The following CNOT4 variants were observed in gnomAD, a reference collection of about 807,000 sequenced individuals.
CNOT4 encodes the protein CCR4-associated factor 4.
In CNOT4, 8 loss-of-function variants were observed where a neutral mutation model predicts 73.8. That is an observed-to-expected ratio of 0.11 (90% CI 0.06 to 0.20). The LOEUF is 0.20. Among genes scored for constraint, CNOT4 ranks in the 10% least tolerant of loss-of-function variants. CNOT4 has a pLI of 1.00. For missense variants in CNOT4, 564 were observed against 883.4 expected, an observed-to-expected ratio of 0.64 and a Z score of 4.58; for synonymous variants, 293 against 321.1, an observed-to-expected ratio of 0.91 and a Z score of 0.94.
intron 7 of CNOT4, among the ~76,000 whole-genome samples, chr7:135,404,641 C>T (rs1345372808): frequency 6.6e-6 from 1 of 152,150 alleles, no homozygotes; most frequent in East Asian, 1.9e-4. Context: ...CATTCCCATT[C>T]TGCTGAACTA....
chr7:135,377,053 GTTCT>G (rs1191751879), intron 10 of CNOT4, among the ~76,000 whole-genome samples: 9 of 152,254 alleles, frequency 5.9e-5, no homozygotes, highest in Non-Finnish European at 1.0e-4. Context: ...ATCTTTAAGA[GTTCT>G]TTCTCATTAA....
At chr7:135,486,248 CACAA>C (rs1369921691) in intron 1 of CNOT4, among the ~76,000 whole-genome samples, 24 of 152,044 alleles carry the variant, frequency 1.6e-4, no homozygotes, top group Admixed American at 7.2e-4. Context: ...GGACAAAAGA[CACAA>C]ACAGACAATT....
chr7:135,386,375 T>C (rs545337367), intron 10 of CNOT4: 1 of 152,232 alleles, frequency 6.6e-6, no homozygotes, highest in East Asian at 1.9e-4. Context: ...ATATTAAGTT[T>C]CCCTTGCACA....
chr7:135,491,113 G>T (rs1803080783), intron 1 of CNOT4, among the ~76,000 whole-genome samples: 1 of 152,222 alleles, frequency 6.6e-6, no homozygotes, highest in African/African-American at 2.4e-5. Context: ...GAGAGAGCAG[G>T]TTTGGGAGGG....
At chr7:135,409,959 T>A (rs1051957043) in intron 7 of CNOT4, among the ~76,000 whole-genome samples, 1 of 152,092 alleles carries the variant, frequency 6.6e-6, no homozygotes, top group Non-Finnish European at 1.5e-5. Flanking sequence ...CACAATATAG[T>A]TTACCCAAAA....
rs1285025778 is a variant in CNOT4, at chr7:135,438,421, G to A, written c.-90C>T. The A allele has an allele frequency of 2.1e-5, 21 of 1,017,048 alleles. No homozygotes were observed. The highest frequency in any genetic ancestry group is 2.2e-4 in the Middle Eastern group (1 of 4,486). The allele number at this position is 1,017,048 out of a possible 1,614,324, so 63.0% of individuals were successfully genotyped here. On this transcript the variant is annotated splice_region_variant and 5_prime_UTR_variant, in exon 2 of 12. Coordinates refer to ENST00000541284, the MANE Select transcript of CNOT4 (RefSeq NM_001190850.2). ...GAAAGCTAAAATGTAGGACTTTGAC[G>A]ACCTGCATGAGAAGAAACAAAATAC...
intron 1 of CNOT4, among the ~76,000 whole-genome samples, chr7:135,461,590 G>T (rs1303210588): frequency 6.6e-6 from 1 of 152,102 alleles, no homozygotes; most frequent in Non-Finnish European, 1.5e-5. Flanking sequence ...CAAACACTTT[G>T]GGAGGCCGAG....
At chr7:135,470,690 A>G (rs1487853473) in intron 1 of CNOT4, among the ~76,000 whole-genome samples, 1 of 152,230 alleles carries the variant, frequency 6.6e-6, no homozygotes, top group Non-Finnish European at 1.5e-5. Flanking sequence ...TAATAGGTGA[A>G]ACATGAACAA....
rs1585653441 is a variant in CNOT4 at position 135,444,728 on chromosome 7, C to G, written c.-92-6305G>C. 2.2e-6 allele frequency: 3 copies of G among 1,343,804 alleles called. No individual in the cohort carries two copies. In the East Asian group the frequency reaches 6.9e-5, roughly 31 times the overall value. The allele number at this position is 1,343,804 out of a possible 1,614,324, so 83.2% of individuals were successfully genotyped here. A position where few individuals can be genotyped will look rare whatever the true frequency, so the allele number is the denominator to read the frequency against. Reference sequence around the variant, plus strand: ...GTTTGAATCCTTGCTCTGCGATGGGCTATTCCCTGGCTGCGACCCTCACTC... The same window carrying G: ...GTTTGAATCCTTGCTCTGCGATGGGGTATTCCCTGGCTGCGACCCTCACTC... On this transcript the variant is annotated intron_variant, in intron 1 of 11. Coordinates refer to ENST00000541284, the MANE Select transcript of CNOT4 (RefSeq NM_001190850.2).
At position 135,423,820 on chromosome 7, in the gene CNOT4, C is replaced by T. The variant is rs112181913; in HGVS notation, c.175-1467G>A. On this transcript the variant is annotated intron_variant, in intron 2 of 11. Coordinates refer to ENST00000541284, the MANE Select transcript of CNOT4 (RefSeq NM_001190850.2). ...GAGTTAGTGGATCCTATTTGGCATA[C>T]TCCAACTTATTTGTGAGTGGAAGGC... Among the ~76,000 whole-genome samples the T allele has an allele frequency of 2.6e-5, 4 of 152,250 alleles. 1 individual carries two copies. The highest frequency in any genetic ancestry group is 9.6e-5 in the African/African-American group (4 of 41,558).
At position 135,390,334 on chromosome 7, in the gene CNOT4, T is replaced by C. The variant is rs1240702306; in HGVS notation, c.1627+3584A>G. ...TGACCTTTAACAAATTATTTAAGCT[T>C]TCTGGAACACAGCTTTGCTATTCCT... is the stretch of plus-strand genomic sequence containing the variant. On this transcript the variant is annotated intron_variant, in intron 10 of 11. Coordinates refer to ENST00000541284, the MANE Select transcript of CNOT4 (RefSeq NM_001190850.2). Among the ~76,000 whole-genome samples, 4 of 152,250 alleles carry C rather than the reference T, an allele frequency of 2.6e-5. No individual in the cohort carries two copies. In the East Asian group the frequency reaches 7.7e-4, roughly 29 times the overall value.
intron 1 of CNOT4, among the ~76,000 whole-genome samples, chr7:135,471,500 T>G (rs1271875342): frequency 3.9e-5 from 6 of 152,142 alleles, no homozygotes; most frequent in Non-Finnish European, 8.8e-5. Context: ...CATAAAAGAA[T>G]CAAGTTAAAG....
chr7:135,476,065 GACA>G (rs1359777280), intron 1 of CNOT4, among the ~76,000 whole-genome samples: 1 of 152,142 alleles, frequency 6.6e-6, no homozygotes, highest in Non-Finnish European at 1.5e-5. Flanking sequence ...AAACTGGACT[GACA>G]ACATCCTTGG....
chr7:135,431,886 T>G (rs1798870932), intron 2 of CNOT4, among the ~76,000 whole-genome samples: 1 of 152,224 alleles, frequency 6.6e-6, no homozygotes, highest in East Asian at 1.9e-4. Flanking sequence ...ATATACCTTA[T>G]TCATGAACTA....
At chr7:135,455,276 T>TAA (rs1168502259) in intron 1 of CNOT4, among the ~76,000 whole-genome samples, 2 of 126,414 alleles carry the variant, frequency 1.6e-5, no homozygotes, top group African/African-American at 5.9e-5. Context: ...CCTGTTCTCC[T>TAA]AAAAAAAAAA....
At chr7:135,454,289 T>G (rs971233755) in intron 1 of CNOT4, among the ~76,000 whole-genome samples, 1 of 151,818 alleles carries the variant, frequency 6.6e-6, no homozygotes, top group Non-Finnish European at 1.5e-5. Flanking sequence ...CTGTTTCCAA[T>G]AGAAAATGTT....
intron 10 of CNOT4, among the ~76,000 whole-genome samples, chr7:135,393,634 T>C (rs1451954858): frequency 6.6e-6 from 1 of 152,214 alleles, no homozygotes; most frequent in African/African-American, 2.4e-5. Flanking sequence ...TTTTCTTCTT[T>C]TTCATTTTGC....
intron 8 of CNOT4, 112 bp downstream of exon 8, chr7:135,398,057 A>C (rs1036618159): frequency 1.4e-6 from 1 of 691,322 alleles, no homozygotes; most frequent in Non-Finnish European, 2.6e-6. Flanking sequence ...ATGAGCATCA[A>C]AAGTGTTTTT....
intron 2 of CNOT4, among the ~76,000 whole-genome samples, chr7:135,433,350 CT>C (rs954189759): frequency 0.025 from 2,913 of 114,440 alleles, 69 homozygotes; most frequent in African/African-American, 0.089. Flanking sequence ...TCATCCTGTT[CT>C]TTTTTTTTTT....
Sources: allele counts gnomAD v4.1 joint callset (sites outside exome capture counted in the v4.1 genomes callset), GRCh38; gene constraint gnomAD v4.1.1; transcripts MANE v1.5; gene names NCBI Gene and HGNC (gene_info 2026-07-23, HGNC 2026-07-21).